RANBP2: variants seen among roughly 807,000 people sequenced by gnomAD.
The protein encoded by RANBP2 is RAN binding protein 2, also known as E3 SUMO-protein ligase RanBP2.
In RANBP2, 57 loss-of-function variants were observed where a neutral mutation model predicts 303.6. The observed-to-expected ratio is 0.19, with a 90% CI of 0.15 to 0.23. The LOEUF is 0.23. Among genes scored for constraint, RANBP2 ranks in the 10% least tolerant of loss-of-function variants. RANBP2 has a pLI of 1.00. For missense variants in RANBP2, 3,138 were observed against 3,780.8 expected, an observed-to-expected ratio of 0.83 and a Z score of 4.46; for synonymous variants, 1,167 against 1,301.5, an observed-to-expected ratio of 0.90 and a Z score of 2.23.
At chr2:109,051,723 T>C in the RANBP2 span, among the ~76,000 whole-genome samples, 2 of 152,148 alleles carry the variant, frequency 1.3e-5, no homozygotes, top group Non-Finnish European at 2.9e-5. Context: ...TTATAATTGC[T>C]TAAGAAAATG....
the RANBP2 span, among the ~76,000 whole-genome samples, chr2:109,351,361 G>A: frequency 7.2e-5 from 11 of 152,352 alleles, no homozygotes; most frequent in South Asian, 2.1e-4. Context: ...CAGGATGCCA[G>A]TGTGCACTCT....
chr2:109,490,755 C>T, the RANBP2 span: 1 of 1,536,594 alleles, frequency 6.5e-7, no homozygotes, highest in South Asian at 1.2e-5. Flanking sequence ...AGTGTCCTCA[C>T]TGTCCATCCA....
chr2:108,940,580 T>C, the RANBP2 span, among the ~76,000 whole-genome samples: 75,201 of 152,260 alleles, frequency 0.49, 23,640 homozygotes, highest in South Asian at 0.71. Context: ...CCAGGCTCTC[T>C]GCTCCTCCTC....
chr2:109,031,185 C>T, the RANBP2 span, among the ~76,000 whole-genome samples: 1 of 152,076 alleles, frequency 6.6e-6, no homozygotes, highest in African/African-American at 2.4e-5. Context: ...TATAAATAGC[C>T]ATTTCCTTTT....
At chr2:108,889,170 T>C in the RANBP2 span, among the ~76,000 whole-genome samples, 1 of 152,188 alleles carries the variant, frequency 6.6e-6, no homozygotes, top group African/African-American at 2.4e-5. Context: ...ATACTTGATA[T>C]GATTGTGGTT....
chr2:108,956,979 G>A, the RANBP2 span, among the ~76,000 whole-genome samples: 7 of 152,054 alleles, frequency 4.6e-5, no homozygotes, highest in African/African-American at 7.2e-5. Context: ...TAGTAGAGAC[G>A]GGGTTTCTCC....
the RANBP2 span, among the ~76,000 whole-genome samples, chr2:109,192,946 G>T: frequency 6.6e-6 from 1 of 152,168 alleles, no homozygotes; most frequent in African/African-American, 2.4e-5. Context: ...TAAATTAAGG[G>T]TGTTTTGCAA....
chr2:109,174,601 C>T, the RANBP2 span, among the ~76,000 whole-genome samples: 1 of 152,244 alleles, frequency 6.6e-6, no homozygotes, highest in Non-Finnish European at 1.5e-5. Context: ...GTGTTCGTAT[C>T]TAGGTGGCTG....
intron 21 of RANBP2, 46 bp from the exon 22 acceptor site, chr2:108,772,443 C>A: frequency 6.5e-7 from 1 of 1,531,306 alleles, no homozygotes; most frequent in Non-Finnish European, 9.0e-7. Flanking sequence ...GCAAGGAAAA[C>A]CCCCCAAAAT....
chr2:109,562,445 G>A, the RANBP2 span, among the ~76,000 whole-genome samples: 1 of 151,608 alleles, frequency 6.6e-6, no homozygotes, highest in South Asian at 2.1e-4. Flanking sequence ...CACAAGCAGG[G>A]TCTCTATTTG....
At chr2:109,351,119 T>C in the RANBP2 span, among the ~76,000 whole-genome samples, 1 of 152,226 alleles carries the variant, frequency 6.6e-6, no homozygotes, top group African/African-American at 2.4e-5. Flanking sequence ...TATTACTTCT[T>C]AGTAGCCCGA....
the RANBP2 span, among the ~76,000 whole-genome samples, chr2:108,831,275 T>C: frequency 1.3e-5 from 2 of 152,096 alleles, no homozygotes; most frequent in East Asian, 3.9e-4. Context: ...ATCTTAAACG[T>C]TGAAAGGACA....
the RANBP2 span, among the ~76,000 whole-genome samples, chr2:109,113,397 T>C: frequency 1.3e-5 from 2 of 152,178 alleles, no homozygotes; most frequent in African/African-American, 4.8e-5. Context: ...TTTGAAGCAA[T>C]TGTGAATGGG....
the RANBP2 span, among the ~76,000 whole-genome samples, chr2:108,915,755 G>A: frequency 6.6e-6 from 1 of 152,100 alleles, no homozygotes; most frequent in East Asian, 1.9e-4. Flanking sequence ...AAATTAGCTG[G>A]GCCTGGTGGC....
the RANBP2 span, among the ~76,000 whole-genome samples, chr2:109,230,757 T>C: frequency 6.6e-6 from 1 of 152,226 alleles, no homozygotes; most frequent in South Asian, 2.1e-4. Flanking sequence ...TGACTTAAAA[T>C]GGGTTTGTCT....
At chr2:109,262,994 G>A in the RANBP2 span, among the ~76,000 whole-genome samples, 1 of 150,588 alleles carries the variant, frequency 6.6e-6, no homozygotes, top group Non-Finnish European at 1.5e-5. Flanking sequence ...CACCACACCT[G>A]GCTCGTTTTT....
At chr2:109,343,660 A>T in the RANBP2 span, among the ~76,000 whole-genome samples, 1 of 151,910 alleles carries the variant, frequency 6.6e-6, no homozygotes, top group African/African-American at 2.4e-5. Flanking sequence ...TGGGGCCAGC[A>T]GGTGGGTTAC....
chr2:109,171,922 A>G, the RANBP2 span, among the ~76,000 whole-genome samples: 2 of 152,262 alleles, frequency 1.3e-5, no homozygotes, highest in East Asian at 3.8e-4. Flanking sequence ...GCATGTGCCG[A>G]GCCCAGCCTT....
the RANBP2 span, among the ~76,000 whole-genome samples, chr2:109,347,497 A>G: frequency 6.6e-6 from 1 of 152,022 alleles, no homozygotes; most frequent in African/African-American, 2.4e-5. Flanking sequence ...GCGCCTCAGA[A>G]TGTGCATGTT....
Sources: allele counts gnomAD v4.1 joint callset (sites outside exome capture counted in the v4.1 genomes callset), GRCh38; gene constraint gnomAD v4.1.1; transcripts MANE v1.5; gene names NCBI Gene and HGNC (gene_info 2026-07-23, HGNC 2026-07-21).